The following KIF15 variants were observed in gnomAD, a reference collection of about 807,000 sequenced individuals.
KIF15 encodes the protein kinesin-like protein KIF15.
In KIF15, 140 loss-of-function variants were observed where a neutral mutation model predicts 190.6. The observed-to-expected ratio is 0.73, with a 90% CI of 0.64 to 0.84. The LOEUF (loss-of-function observed/expected upper bound fraction) is 0.84. KIF15 is among the 40% of genes least tolerant of loss of function. The pLI is 0.00. For missense variants in KIF15, 1,372 were observed against 1,584.4 expected (o/e 0.87, Z 2.28); for synonymous variants, 528 against 551.3 (o/e 0.96, Z 0.59).
At chr3:44,825,896 G>A (rs1697611002) in intron 20 of KIF15, 143 bp from the exon 21 acceptor site, 1 of 650,722 alleles carries the variant, frequency 1.5e-6, no homozygotes, top group African/African-American at 1.9e-5. Flanking sequence ...TTTCACACAG[G>A]TCCATAAGGA....
chr3:44,788,908 G>C (rs1706537485), intron 7 of KIF15, among the ~76,000 whole-genome samples: 1 of 152,192 alleles, frequency 6.6e-6, no homozygotes, highest in Non-Finnish European at 1.5e-5. Context: ...GAGCCATGCA[G>C]CCATGTTATT....
At chr3:44,796,342 G>A (rs1299868635) in intron 8 of KIF15, among the ~76,000 whole-genome samples, 1 of 152,206 alleles carries the variant, frequency 6.6e-6, no homozygotes, top group East Asian at 1.9e-4. Context: ...CTGGGTGACA[G>A]AGTGAGACTC....
intron 11 of KIF15, among the ~76,000 whole-genome samples, chr3:44,800,947 G>C (rs1707236752): frequency 6.6e-6 from 1 of 150,982 alleles, no homozygotes. Flanking sequence ...CTTATTCTTT[G>C]AAGAACGACT....
intron 5 of KIF15, among the ~76,000 whole-genome samples, chr3:44,783,673 C>G (rs963978161): frequency 5.9e-5 from 9 of 152,126 alleles, no homozygotes; most frequent in Non-Finnish European, 8.8e-5. Context: ...TTGCATTTTT[C>G]TACCTCTGTT....
At chr3:44,846,618 CA>C (rs1436041085) in intron 30 of KIF15, among the ~76,000 whole-genome samples, 3 of 151,602 alleles carry the variant, frequency 2.0e-5, no homozygotes, top group Non-Finnish European at 2.9e-5. Flanking sequence ...ACTAAAAATA[CA>C]AAAAATGAGT....
chr3:44,801,522 A>G lies in KIF15; in HGVS notation c.1295A>G (p.Lys432Arg). The change falls in exon 12 of 35, where the codon AAG becomes AGG. Residue 432 changes from lysine (K) to arginine (R), a missense_variant. Coordinates refer to ENST00000326047, the MANE Select transcript of KIF15 (RefSeq NM_020242.3). The part of the protein sequence containing the change: ...MLFFKKSEQE[K>R]KSLIEKVTQL... ...TTCTTTAAGAAATCTGAACAGGAAAAGAAGGTAGGAAATGGAATTAGTAAT... is the reference window on the plus strand; with the variant it reads ...TTCTTTAAGAAATCTGAACAGGAAAGGAAGGTAGGAAATGGAATTAGTAAT... 1.3e-6 allele frequency: 2 copies of G among 1,553,730 alleles called. No individual in the cohort carries two copies. The highest frequency in any genetic ancestry group is 1.8e-6 in the Non-Finnish European group (2 of 1,126,262).
chr3:44,850,913 A>G (rs1699038071), intron 32 of KIF15, among the ~76,000 whole-genome samples: 1 of 152,200 alleles, frequency 6.6e-6, no homozygotes, highest in African/African-American at 2.4e-5. Flanking sequence ...CTGGCCTTGA[A>G]TGGTGTAATA....
At chr3:44,856,027 A>G (rs1699184522), downstream of KIF15, among the ~76,000 whole-genome samples, 1 of 152,172 alleles carries the variant, frequency 6.6e-6, no homozygotes, top group Admixed American at 6.5e-5. Context: ...GGTTTCACTG[A>G]ATACCAAGAG....
At chr3:44,830,811 C>T in intron 25 of KIF15, 85 bp from the exon 26 acceptor site, 2 of 1,375,352 alleles carry the variant, frequency 1.5e-6, no homozygotes, top group Non-Finnish European at 2.0e-6. Context: ...CTTGTCATCA[C>T]CTTGGAACCC....
intron 1 of KIF15, among the ~76,000 whole-genome samples, chr3:44,772,321 G>A (rs1165490970): frequency 6.6e-6 from 1 of 152,120 alleles, no homozygotes; most frequent in Non-Finnish European, 1.5e-5. Context: ...AATTCCTGGG[G>A]CTCCATTAGG....
chr3:44,868,007 G>T (rs1318279774), intron 6 of KIF15, among the ~76,000 whole-genome samples: 1 of 152,152 alleles, frequency 6.6e-6, no homozygotes, highest in African/African-American at 2.4e-5. Flanking sequence ...GTGCAATTCA[G>T]TAGTATTTTA....
At chr3:44,789,632 T>C (rs899102470) in intron 7 of KIF15, among the ~76,000 whole-genome samples, 1 of 130,280 alleles carries the variant, frequency 7.7e-6, no homozygotes, top group African/African-American at 2.9e-5. Flanking sequence ...ATTGCGATTT[T>C]TGTCTAATTT....
rs1216755478 is a variant in KIF15 at position 44,851,902 on chromosome 3, C to T, written c.3922C>T (p.Leu1308=). 1 of 1,613,908 alleles carries T rather than the reference C, an allele frequency of 6.2e-7. No individual in the cohort carries two copies. The highest frequency in any genetic ancestry group is 1.3e-5 in the African/African-American group (1 of 75,016). Residue 1308 remains leucine (L), a synonymous_variant, in exon 33 of 35, where the codon CTG becomes TTG. Transcript: ENST00000326047. ...TAAAGCATTCCAGGAAAAAGAACAA[C>T]TGAGATCAAAGCTGGAAGAAATGTA... ...ESKAFQEKEQ[L]RSKLEEMYEE...
chr3:44,848,094 T>C, intron 31 of KIF15, 37 bp downstream of exon 31: 1 of 1,235,526 alleles, frequency 8.1e-7, no homozygotes, highest in East Asian at 2.3e-5. Flanking sequence ...TCTTCTTGTC[T>C]GAGCAATGCT....
At chr3:44,773,888 A>C (rs1297380795) in intron 1 of KIF15, among the ~76,000 whole-genome samples, 2 of 152,200 alleles carry the variant, frequency 1.3e-5, no homozygotes, top group East Asian at 3.9e-4. Flanking sequence ...GAATTTATTA[A>C]AAGAACGCTC....
downstream of KIF15, among the ~76,000 whole-genome samples, chr3:44,854,891 A>T (rs1276545054): frequency 6.6e-6 from 1 of 152,220 alleles, no homozygotes; most frequent in Non-Finnish European, 1.5e-5. Flanking sequence ...TAAGGATCTC[A>T]TCTTAATTTG....
At chr3:44,794,697 C>G (rs993238440) in intron 8 of KIF15, among the ~76,000 whole-genome samples, 4 of 152,120 alleles carry the variant, frequency 2.6e-5, no homozygotes, top group Non-Finnish European at 5.9e-5. Flanking sequence ...CGCGGTGGCT[C>G]ACACCTGTAA....
At chr3:44,854,539 G>A (rs978560228), downstream of KIF15, among the ~76,000 whole-genome samples, 4 of 152,102 alleles carry the variant, frequency 2.6e-5, no homozygotes, top group South Asian at 2.1e-4. Flanking sequence ...ATAAGGTAGC[G>A]AGCAGACACT....
rs374356897 is a variant in KIF15, at chr3:44,800,317, G to A, written c.1102G>A (p.Val368Ile). Residue 368 changes from valine (V) to isoleucine (I), a missense_variant, in exon 11 of 35, where the codon GTA (valine) becomes ATA (isoleucine). Physicochemically the swap from Val to Ile is conservative, Grantham distance 29 (BLOSUM62 3). Coordinates refer to ENST00000326047, the MANE Select transcript of KIF15 (RefSeq NM_020242.3). Reference protein sequence around the residue: ...QRAKLIKNKAVVNEDTQGNVS... With the variant: ...QRAKLIKNKAIVNEDTQGNVS... Reference sequence around the variant, plus strand: ...TTTTTAAAAAATTCCTGAACAGGCAGTAGTAAATGAAGACACCCAAGGAAA... The same window carrying A: ...TTTTTAAAAAATTCCTGAACAGGCAATAGTAAATGAAGACACCCAAGGAAA... 1.2e-6 allele frequency: 2 copies of A among 1,613,782 alleles called. No homozygotes were observed. Among genetic ancestry groups the A allele is most frequent in the African/African-American group, 2.7e-5 (2 of 74,902 alleles).
Sources: allele counts gnomAD v4.1 joint callset (sites outside exome capture counted in the v4.1 genomes callset), GRCh38; gene constraint gnomAD v4.1.1; transcripts MANE v1.5; gene names NCBI Gene and HGNC (gene_info 2026-07-23, HGNC 2026-07-21).